KDM2A: variants seen among roughly 807,000 people sequenced by gnomAD.
The protein encoded by KDM2A is lysine demethylase 2A.
In KDM2A, 3 loss-of-function variants were observed where a neutral mutation model predicts 137.3. The ratio of observed to expected loss-of-function variants is 0.02; its 90% CI spans 0.01 to 0.06. The LOEUF (loss-of-function observed/expected upper bound fraction) is 0.06. Among genes scored for constraint, KDM2A ranks in the 10% least tolerant of loss-of-function variants. The pLI, the probability that KDM2A is intolerant of heterozygous loss-of-function variation, is 1.00. For missense variants in KDM2A, 738 were observed against 1,510.6 expected, an observed-to-expected ratio of 0.49 and a Z score of 8.48; for synonymous variants, 512 against 541.5, an observed-to-expected ratio of 0.95 and a Z score of 0.76.
intron 5 of KDM2A, among the ~76,000 whole-genome samples, chr11:67,186,686 C>T (rs1449619359): frequency 1.3e-5 from 2 of 152,194 alleles, no homozygotes; most frequent in African/African-American, 4.8e-5. Flanking sequence ...TTTTAAAAGA[C>T]AGTTGTTAGC....
At chr11:67,237,119 A>G (rs1858894462) in intron 12 of KDM2A, among the ~76,000 whole-genome samples, 1 of 152,184 alleles carries the variant, frequency 6.6e-6, no homozygotes, top group Non-Finnish European at 1.5e-5. Context: ...CTACAACATT[A>G]TATAAATGGT....
At chr11:67,134,741 G>A (rs1290274177) in intron 2 of KDM2A, among the ~76,000 whole-genome samples, 1 of 152,074 alleles carries the variant, frequency 6.6e-6, no homozygotes, top group Non-Finnish European at 1.5e-5. Context: ...CTGACCTCAG[G>A]TGATCCACCT....
chr11:67,182,472 TC>T (rs2136337251), intron 5 of KDM2A, among the ~76,000 whole-genome samples: 1 of 152,100 alleles, frequency 6.6e-6, no homozygotes, highest in East Asian at 1.9e-4. Flanking sequence ...TTCATTGTGG[TC>T]CTGAGACACC....
chr11:67,161,764 T>A (rs1856644266), intron 2 of KDM2A, among the ~76,000 whole-genome samples: 1 of 152,190 alleles, frequency 6.6e-6, no homozygotes, highest in Non-Finnish European at 1.5e-5. Flanking sequence ...TACTATTATT[T>A]GTCTTTTTTG....
At chr11:67,182,768 A>G (rs1253227254) in intron 5 of KDM2A, among the ~76,000 whole-genome samples, 1 of 152,146 alleles carries the variant, frequency 6.6e-6, no homozygotes, top group East Asian at 1.9e-4. Context: ...CCTGACCTCA[A>G]GCAATCCGCC....
intron 5 of KDM2A, among the ~76,000 whole-genome samples, chr11:67,186,959 T>A (rs1857221427): frequency 1.3e-5 from 2 of 152,168 alleles, no homozygotes; most frequent in Admixed American, 6.6e-5. Flanking sequence ...CAAAAGCTAA[T>A]AACTAATAGG....
At position 67,254,469 on chromosome 11, in the gene KDM2A, TC is replaced by T; in HGVS notation, c.3307+54del. The T allele has an allele frequency of 1.3e-6, 2 of 1,490,568 alleles. No homozygotes were observed. The highest frequency in any genetic ancestry group is 1.9e-6 in the Non-Finnish European group (2 of 1,071,310). 92.3% of individuals were successfully genotyped at this position (1,490,568 alleles called of 1,614,324 possible). A position where few individuals can be genotyped will look rare whatever the true frequency, so the allele number is the denominator to read the frequency against. Reference sequence around the variant, plus strand: ...CAGCGGTGCCCCCTGCCTCCAGCCCTCCCTGGAACTTGATCAGTAAACCAGA... The same window carrying T: ...CAGCGGTGCCCCCTGCCTCCAGCCCTCCTGGAACTTGATCAGTAAACCAGA... On this transcript the variant is annotated intron_variant, in intron 20 of 20. Transcript: ENST00000529006. This position sits in a 1 kb window ranked among gnomAD's most constrained non-coding sequence, Gnocchi z 4.7.
chr11:67,184,672 T>G (rs1857164676), intron 5 of KDM2A, among the ~76,000 whole-genome samples: 1 of 152,142 alleles, frequency 6.6e-6, no homozygotes, highest in Admixed American at 6.5e-5. Context: ...CCACCCCCAT[T>G]TTAGTTTTCT....
chr11:67,196,214 A>C (rs145805299), intron 5 of KDM2A: 9,543 of 455,016 alleles, frequency 0.021, 204 homozygotes, highest in Non-Finnish European at 0.028. Flanking sequence ...GTGCACGAGC[A>C]GGGGCTTGCA....
In KDM2A at chr11:67,223,388, CTTATTTATTTAT is replaced by C. The variant is rs10542275; in HGVS notation, c.957+4004_957+4015del. ...TTCATATTTTCTTCCTTTTTTCTTT[CTTATTTATTTAT>C]TTATTTATTTATTTATTTTTGACAC... On this transcript the variant is annotated intron_variant, in intron 10 of 20. Transcript: ENST00000529006. 2.1e-4 allele frequency among the ~76,000 whole-genome samples: 31 copies of C among 149,274 alleles called. No homozygotes were observed. The East Asian group carries it at 4.5e-3, about 22-fold the overall frequency.
At chr11:67,123,962 C>CCACTT (rs1283549552) in intron 2 of KDM2A, among the ~76,000 whole-genome samples, 1 of 151,722 alleles carries the variant, frequency 6.6e-6, no homozygotes, top group African/African-American at 2.4e-5. Context: ...CAGGCATGAG[C>CCACTT]CACTGGACCT....
rs1307407002 is a variant in KDM2A, at chr11:67,119,894, A to G, written c.-239A>G. 6.6e-6 allele frequency: 1 copy of G among 152,166 alleles called. No individual in the cohort carries two copies. The highest frequency in any genetic ancestry group is 1.5e-5 in the Non-Finnish European group (1 of 68,042). The allele number at this position is 152,166 out of a possible 1,614,324, so 9.4% of individuals were successfully genotyped here. A position where few individuals can be genotyped will look rare whatever the true frequency, so the allele number is the denominator to read the frequency against. ...GCCAGAAGAGAAGGTTTGATTCAGC[A>G]ACTGTTTGCTCCCTTTTCCTGGTCG... On this transcript the variant is annotated 5_prime_UTR_variant, in exon 1 of 21. Transcript: ENST00000529006.
chr11:67,158,812 T>A (rs1377796115), intron 2 of KDM2A, among the ~76,000 whole-genome samples: 3 of 152,228 alleles, frequency 2.0e-5, no homozygotes, highest in African/African-American at 7.2e-5. Flanking sequence ...ATATGCTTAT[T>A]TGTCATCTGT....
chr11:67,153,501 C>A (rs1286123291), intron 2 of KDM2A, among the ~76,000 whole-genome samples: 1 of 152,098 alleles, frequency 6.6e-6, no homozygotes, highest in African/African-American at 2.4e-5. Flanking sequence ...TTTCCCCAAA[C>A]CCTTTTTATT....
intron 2 of KDM2A, among the ~76,000 whole-genome samples, chr11:67,124,329 T>G (rs776342613): frequency 2.4e-4 from 36 of 150,648 alleles, no homozygotes; most frequent in Non-Finnish European, 4.1e-4. Context: ...ATATATTTTT[T>G]GAAATGGAGA....
At chr11:67,171,274 TC>T (rs1263119487) in intron 2 of KDM2A, among the ~76,000 whole-genome samples, 7 of 152,300 alleles carry the variant, frequency 4.6e-5, no homozygotes, top group African/African-American at 1.7e-4. Flanking sequence ...CCCTCAGTGT[TC>T]CTAGTCAGGA....
At chr11:67,157,827 T>A (rs1013406666) in intron 2 of KDM2A, among the ~76,000 whole-genome samples, 1 of 151,806 alleles carries the variant, frequency 6.6e-6, no homozygotes, top group African/African-American at 2.4e-5. Flanking sequence ...TATTATAAGC[T>A]GGGTGTGGGT....
chr11:67,236,701 T>C (rs1472869780), intron 12 of KDM2A, among the ~76,000 whole-genome samples: 1 of 152,136 alleles, frequency 6.6e-6, no homozygotes, highest in African/African-American at 2.4e-5. Context: ...CTATAAAATA[T>C]CTGTGAGATT....
chr11:67,229,870 A>G (rs1858657745), intron 11 of KDM2A, among the ~76,000 whole-genome samples: 1 of 147,320 alleles, frequency 6.8e-6, no homozygotes, highest in Admixed American at 6.8e-5. Flanking sequence ...ACTCCGTCTC[A>G]AAAAGAAAAA....
Sources: gnomAD v4.1 joint callset for allele counts (sites outside exome capture counted in the v4.1 genomes callset) on GRCh38, gnomAD v4.1.1 for gene constraint, Gnocchi (gnomAD v3.1) non-coding constraint, MANE v1.5 for transcripts, NCBI Gene and HGNC (gene_info 2026-07-23, HGNC 2026-07-21) for gene names.